Variants in NT5C2 observed in about 807,000 individuals in gnomAD.
NT5C2 encodes 5'-nucleotidase, cytosolic II.
Under a neutral mutation model 76.1 loss-of-function variants are expected in NT5C2, and 58 were observed. The observed-to-expected ratio is 0.76, with a 90% CI of 0.62 to 0.95. The LOEUF (loss-of-function observed/expected upper bound fraction) is 0.95, where lower values mean the gene tolerates loss of function less well. Ranked by LOEUF, NT5C2 falls within the 40% of genes least tolerant of loss-of-function variation. NT5C2 has a pLI of 0.00. For synonymous variants in NT5C2, 229 were observed against 237.4 expected, an observed-to-expected ratio of 0.96 and a Z score of 0.32; for missense variants, 478 against 690.3, an observed-to-expected ratio of 0.69 and a Z score of 3.45.
At chr10:103,168,102 A>C (rs2086860419) in intron 3 of NT5C2, among the ~76,000 whole-genome samples, 1 of 147,630 alleles carries the variant, frequency 6.8e-6, no homozygotes, top group Non-Finnish European at 1.5e-5. Context: ...CTAAACTGCA[A>C]CTAAAAAAAA....
chr10:103,184,633 C>T (rs1476702770), intron 1 of NT5C2, among the ~76,000 whole-genome samples: 1 of 152,190 alleles, frequency 6.6e-6, no homozygotes, highest in East Asian at 1.9e-4. Context: ...GAGCCCTTTG[C>T]TTTTCAGAAG....
chr10:103,093,195 G>T lies in NT5C2; in HGVS notation c.1103C>A (p.Thr368Asn). ...LKSKKRQGWR[T>N]FLVIPELAQE... ...TGCGAGTTCAGGAATCACCAAAAAA[G>T]TTCGCCACCCTTGCCGTTTCTTTGA... The change falls in exon 15 of 19, where the codon ACT (threonine) becomes AAT (asparagine). Residue 368 changes from threonine (T) to asparagine (N), a missense_variant. Thr to Asn is a moderately conservative substitution (Grantham distance 65). Coordinates refer to ENST00000404739, the MANE Select transcript of NT5C2 (RefSeq NM_001351169.2). The T allele has an allele frequency of 6.2e-7, 1 of 1,611,666 alleles. No individual in the cohort carries two copies. The highest frequency in any genetic ancestry group is 2.2e-5 in the East Asian group (1 of 44,790).
intron 4 of NT5C2, among the ~76,000 whole-genome samples, chr10:103,138,402 G>T (rs1301454833): frequency 2.0e-5 from 3 of 152,098 alleles, no homozygotes; most frequent in African/African-American, 7.2e-5. Context: ...CATGCGTTAG[G>T]TATTTGTCCT....
chr10:103,114,340 C>T (rs1362553112), intron 4 of NT5C2, among the ~76,000 whole-genome samples: 6 of 151,966 alleles, frequency 3.9e-5, no homozygotes, highest in African/African-American at 1.2e-4. Flanking sequence ...ACCAGGGAGG[C>T]GGAGGTTGCA....
At chr10:103,137,309 G>A (rs1428801244) in intron 4 of NT5C2, among the ~76,000 whole-genome samples, 1 of 152,148 alleles carries the variant, frequency 6.6e-6, no homozygotes, top group Non-Finnish European at 1.5e-5. Context: ...AAAAGTGTCT[G>A]TGACCAATTA....
chr10:103,115,820 A>C (rs2074208003), intron 4 of NT5C2, among the ~76,000 whole-genome samples: 1 of 152,090 alleles, frequency 6.6e-6, no homozygotes, highest in Non-Finnish European at 1.5e-5. Context: ...AAAATATGCC[A>C]TATATTTCAT....
chr10:103,152,520 G>A (rs2082582267), intron 3 of NT5C2, among the ~76,000 whole-genome samples: 1 of 152,046 alleles, frequency 6.6e-6, no homozygotes, highest in Admixed American at 6.5e-5. Flanking sequence ...CAGAACAAAA[G>A]AACTAGAAAG....
At chr10:103,151,528 A>G (rs2082407828) in intron 3 of NT5C2, among the ~76,000 whole-genome samples, 1 of 152,038 alleles carries the variant, frequency 6.6e-6, no homozygotes, top group Non-Finnish European at 1.5e-5. Context: ...CTGAAAATCA[A>G]TTGATTATAT....
chr10:103,141,400 G>A (rs770709369), intron 3 of NT5C2, among the ~76,000 whole-genome samples: 6 of 152,146 alleles, frequency 3.9e-5, no homozygotes, highest in Non-Finnish European at 8.8e-5. Context: ...CAAGGCTGTA[G>A]TGAGCCAAGA....
At chr10:103,135,603 C>A (rs2079036980) in intron 4 of NT5C2, among the ~76,000 whole-genome samples, 1 of 151,144 alleles carries the variant, frequency 6.6e-6, no homozygotes, top group Non-Finnish European at 1.5e-5. Flanking sequence ...AATGAAACCC[C>A]CACTGCCCCC....
At chr10:103,130,772 G>T (rs2078019904) in intron 4 of NT5C2, among the ~76,000 whole-genome samples, 1 of 151,538 alleles carries the variant, frequency 6.6e-6, no homozygotes. Context: ...ATAAAAAACA[G>T]GATTCTCAAA....
chr10:103,101,180 A>C, intron 7 of NT5C2, 55 bp downstream of exon 7: 1 of 1,409,462 alleles, frequency 7.1e-7, no homozygotes, highest in Non-Finnish European at 1.0e-6. Flanking sequence ...TTGAATACAG[A>C]CTAATGGTCA....
At chr10:103,122,077 G>A (rs995206042) in intron 4 of NT5C2, among the ~76,000 whole-genome samples, 13 of 152,126 alleles carry the variant, frequency 8.5e-5, no homozygotes, top group Non-Finnish European at 2.9e-5. Flanking sequence ...GGGAGACTGA[G>A]GCGCCAGAAT....
In NT5C2 at chr10:103,156,755, C is replaced by CAA. The variant is rs61148858; in HGVS notation, c.102-17278_102-17277dup. 4.8e-3 allele frequency among the ~76,000 whole-genome samples: 669 copies of CAA among 138,684 alleles called. 4 individuals are homozygous for CAA. Among genetic ancestry groups the CAA allele is most frequent in the Non-Finnish European group, 6.7e-3 (430 of 64,298 alleles). The allele number at this position is 138,684 out of a possible 152,430, so 91.0% of individuals were successfully genotyped here. A position where few individuals can be genotyped will look rare whatever the true frequency, so the allele number is the denominator to read the frequency against. The stretch of plus-strand genomic sequence containing the variant: ...GGGCAACAAGAGCGAAACTCTATCT[C>CAA]AAAAAAAAAAAACTTTCAAGGGCCA... On this transcript the variant is annotated intron_variant, in intron 3 of 18. Transcript: ENST00000404739.
chr10:103,128,052 TCTCCCTCTC>T (rs2077013666), intron 4 of NT5C2, among the ~76,000 whole-genome samples: 1 of 68,012 alleles, frequency 1.5e-5, no homozygotes, highest in African/African-American at 6.2e-5. Flanking sequence ...GGTCTCTCCC[TCTCCCTCTC>T]CCTCTCCCTC....
At position 103,136,137 on chromosome 10, in the gene NT5C2, TATC is replaced by T. The variant is rs966288976; in HGVS notation, c.175+3266_175+3268del. On this transcript the variant is annotated intron_variant, in intron 4 of 18. Coordinates refer to ENST00000404739, the MANE Select transcript of NT5C2 (RefSeq NM_001351169.2). Reference sequence around the variant, plus strand: ...TAAATTGCCCAATCTCAGGTATGTCTATCAGCAGCATGAAAACAGACTAATACA... The same window carrying T: ...TAAATTGCCCAATCTCAGGTATGTCTAGCAGCATGAAAACAGACTAATACA... Among the ~76,000 whole-genome samples, 3 of 152,304 alleles carry T rather than the reference TATC, an allele frequency of 2.0e-5. No individual in the cohort carries two copies. In the East Asian group the frequency reaches 5.8e-4, roughly 29 times the overall value.
At chr10:103,130,573 AAAT>A (rs1420668865) in intron 4 of NT5C2, among the ~76,000 whole-genome samples, 1 of 102,234 alleles carries the variant, frequency 9.8e-6, no homozygotes, top group Non-Finnish European at 1.9e-5. Context: ...TTTAAAAAAA[AAAT>A]AAAAATTAAA....
In NT5C2 at chr10:103,105,693, T is replaced by C; in HGVS notation, c.389+13A>G. The C allele has an allele frequency of 1.3e-6, 2 of 1,549,312 alleles. No individual in the cohort carries two copies. The highest frequency in any genetic ancestry group is 1.8e-6 in the Non-Finnish European group (2 of 1,122,398). ...TTAACATTAGAAAGAGGCTAAAGGT[T>C]CTCTGTACTCACCCCCTTATAAAGT... On this transcript the variant is annotated intron_variant, in intron 6 of 18. Transcript: ENST00000404739.
At chr10:103,172,327 C>T (rs913292374) in intron 3 of NT5C2, among the ~76,000 whole-genome samples, 8 of 149,138 alleles carry the variant, frequency 5.4e-5, no homozygotes, top group African/African-American at 2.0e-4. Flanking sequence ...CAGCTCACTG[C>T]AAGCTCCGCC....
Sources: gnomAD v4.1 joint callset for allele counts (sites outside exome capture counted in the v4.1 genomes callset) on GRCh38, gnomAD v4.1.1 for gene constraint, MANE v1.5 for transcripts, NCBI Gene and HGNC (gene_info 2026-07-23, HGNC 2026-07-21) for gene names.